Variants in LAMA5 observed in about 807,000 individuals in gnomAD.
LAMA5 encodes laminin subunit alpha-5.
In LAMA5, 260 loss-of-function variants were observed where a neutral mutation model predicts 433.4. The observed-to-expected ratio is 0.60, with a 90% CI of 0.54 to 0.66. The LOEUF (loss-of-function observed/expected upper bound fraction) is 0.66, where lower values mean the gene tolerates loss of function less well. LAMA5 is among the 30% of genes least tolerant of loss of function. The pLI is 0.00. For synonymous variants in LAMA5, 2,620 were observed against 2,226.6 expected, an observed-to-expected ratio of 1.18 and a Z score of -4.97; for missense variants, 5,378 against 5,258.5, an observed-to-expected ratio of 1.02 and a Z score of -0.70.
chr20:62,314,703 T>A lies in LAMA5; in HGVS notation c.8219A>T (p.Asn2740Ile), dbSNP rs540719244. 1 of 1,612,644 alleles carries A rather than the reference T, an allele frequency of 6.2e-7. No individual in the cohort carries two copies. Among genetic ancestry groups the A allele is most frequent in the Admixed American group, 1.7e-5 (1 of 59,982 alleles). Residue 2740 changes from asparagine (N) to isoleucine (I), a missense_variant, in exon 61 of 80, where the codon AAC becomes ATC. Physicochemically the swap from Asn to Ile is moderately radical, Grantham distance 149 (BLOSUM62 -3). Coordinates refer to ENST00000252999, the MANE Select transcript of LAMA5 (RefSeq NM_005560.6). ...ASKVKVPMKF[N>I]GRSGVQLRTP... ...GCGCAGCTGCACCCCTGAGCGCCCG[T>A]TGAACTTCATGGGCACCTTGACCTG...
Position 62,311,481 on chromosome 20 carries a change from C to T in LAMA5, c.9862G>A (p.Val3288Met). ...AGGGCGGGTGCACAGCCCGTGCTCA[C>T]ATTGACGCTGCCCAGGTTCTGCTGC... ...DLQQNLGSVN[V>M]STGCAPALQA... The change falls in exon 72 of 80, where the codon GTG becomes ATG. Residue 3288 changes from valine to methionine, a missense_variant. Physicochemically the swap from Val to Met is conservative, Grantham distance 21. Transcript: ENST00000252999. The T allele has an allele frequency of 6.2e-7, 1 of 1,610,538 alleles. No individual in the cohort carries two copies. The highest frequency in any genetic ancestry group is 8.5e-7 in the Non-Finnish European group (1 of 1,178,880).
chr20:62,334,263 C>T lies in LAMA5; in HGVS notation c.2662G>A (p.Ala888Thr), dbSNP rs775834837. 181 of 1,612,550 alleles carry T rather than the reference C, an allele frequency of 1.1e-4. No homozygotes were observed. Among genetic ancestry groups the T allele is most frequent in the Non-Finnish European group, 1.4e-4 (171 of 1,179,794 alleles). ...AGGGGGTTGAAGCCAAAGCGCACGG[C>T]GTGACCCTCAGGTGTGGCAGCCTCC... is the stretch of plus-strand genomic sequence containing the variant. ...LEEAATPEGHAVRFGFNPLEF... is the reference protein window; with the variant it reads ...LEEAATPEGHTVRFGFNPLEF... Residue 888 changes from alanine to threonine, a missense_variant, in exon 22 of 80, where the codon GCC (alanine) becomes ACC (threonine). Ala to Thr is a moderately conservative substitution (Grantham distance 58). Coordinates refer to ENST00000252999, the MANE Select transcript of LAMA5 (RefSeq NM_005560.6).
At chr20:62,332,128 G>T (rs766598214) in intron 28 of LAMA5, among the ~76,000 whole-genome samples, 1 of 152,182 alleles carries the variant, frequency 6.6e-6, no homozygotes, top group African/African-American at 2.4e-5. Context: ...CTGCCCTGGG[G>T]CCAGGGAGCT....
chr20:62,327,239 C>T lies in LAMA5; in HGVS notation c.5106G>A (p.Gly1702=), dbSNP rs1979457604. ...GACCTGATGCCCTGCTTACCCGGTC[C>T]CCCAGGTAGGAGGGTGGGGCCTGCC... ...LYWQAPPSYL[G]DRVSSYGGTL... Residue 1702 remains glycine, a synonymous_variant, in exon 38 of 80, where the codon GGG becomes GGA. Transcript: ENST00000252999. 2 of 1,511,536 alleles carry T rather than the reference C, an allele frequency of 1.3e-6. No homozygotes were observed. The highest frequency in any genetic ancestry group is 1.4e-5 in the African/African-American group (1 of 72,124). 93.6% of individuals were successfully genotyped at this position (1,511,536 alleles called of 1,614,324 possible). A position where few individuals can be genotyped will look rare whatever the true frequency, so the allele number is the denominator to read the frequency against.
rs75621170 is a variant in LAMA5, at chr20:62,337,628, G to A, written c.2126C>T (p.Thr709Ile). Residue 709 changes from threonine to isoleucine, a missense_variant, in exon 16 of 80, where the codon ACA (threonine) becomes ATA (isoleucine). Physicochemically the swap from Thr to Ile is moderately conservative, Grantham distance 89. Coordinates refer to ENST00000252999, the MANE Select transcript of LAMA5 (RefSeq NM_005560.6). The stretch of plus-strand genomic sequence containing the variant: ...GAAGTTGTAGGCACCGGGCACACAT[G>A]TGTCACACCGCAGCCCCGTCACACG... ...RPRVTGLRCD[T>I]CVPGAYNFPY... 4,160 of 1,611,936 alleles carry A rather than the reference G, an allele frequency of 2.6e-3. 73 individuals carry two copies. The African/African-American group carries it at 0.047, about 18-fold the overall frequency.
rs764317027 is a variant in LAMA5 at position 62,322,123 on chromosome 20, C to T, written c.6392G>A (p.Cys2131Tyr). The T allele has an allele frequency of 6.2e-7, 1 of 1,603,046 alleles. No homozygotes were observed. Among genetic ancestry groups the T allele is most frequent in the African/African-American group, 1.3e-5 (1 of 74,922 alleles). Reference protein sequence around the residue: ...GGRCDPHTGRCNCPPGLSGER... With the variant: ...GGRCDPHTGRYNCPPGLSGER... ...CCCGCTGAGCCCCGGGGGGCAGTTG[C>T]AGCGGCCCGTGTGAGGGTCACAGCG... Residue 2131 changes from cysteine to tyrosine, a missense_variant, in exon 48 of 80, where the codon TGC (cysteine) becomes TAC (tyrosine). Coordinates refer to ENST00000252999, the MANE Select transcript of LAMA5 (RefSeq NM_005560.6).
In LAMA5 at chr20:62,328,224, C is replaced by T; in HGVS notation, c.4652+17G>A. 1 of 1,585,654 alleles carries T rather than the reference C, an allele frequency of 6.3e-7. No individual in the cohort carries two copies. The highest frequency in any genetic ancestry group is 1.7e-4 in the Middle Eastern group (1 of 5,974). ...AAGGCCACCAGGGGCCGCGCTGACG[C>T]CGCTCTGGGCTCTCACTTGCACTGG... is the stretch of plus-strand genomic sequence containing the variant. On this transcript the variant is annotated intron_variant, in intron 35 of 79. Transcript: ENST00000252999.
Position 62,338,376 on chromosome 20 carries a change from G to GA in LAMA5, c.1619-8dup. 6.2e-7 allele frequency: 1 copy of GA among 1,607,362 alleles called. No homozygotes were observed. On this transcript the variant is annotated splice_polypyrimidine_tract_variant and splice_region_variant and intron_variant, in intron 12 of 79. Coordinates refer to ENST00000252999, the MANE Select transcript of LAMA5 (RefSeq NM_005560.6). ...GGGCTGGAACACTGGCAGGCTGCAG[G>GA]AAAGGGTGGCCCACATGCTTGGTCA...
In LAMA5 at chr20:62,325,437, G is replaced by A. The variant is rs375742435; in HGVS notation, c.5408C>T (p.Ser1803Phe). The A allele has an allele frequency of 1.6e-4, 260 of 1,612,522 alleles. 3 individuals are homozygous for A. The South Asian group carries it at 2.1e-3, about 13-fold the overall frequency. ...LQIRALFSQI[S>F]SAVFLRRVAL... The stretch of plus-strand genomic sequence containing the variant: ...CACCCTGCGCAGGAAGACAGCCGAG[G>A]AGATCTGTGAGAAGAGGGCACGGAT... Residue 1803 changes from serine (S) to phenylalanine (F), a missense_variant, in exon 41 of 80, where the codon TCC becomes TTC. Transcript: ENST00000252999.
chr20:62,314,329 G>T lies in LAMA5; in HGVS notation c.8479C>A (p.Gln2827Lys), dbSNP rs117480847. The change falls in exon 62 of 80, where the codon CAG (glutamine) becomes AAG (lysine). Residue 2827 changes from glutamine to lysine, a missense_variant. Coordinates refer to ENST00000252999, the MANE Select transcript of LAMA5 (RefSeq NM_005560.6). ...CTGTCCAGGCTGACAGCTGCGAACT[G>T]CTCCCCAATGTCCTCATCGATGCTT... Reference protein sequence around the residue: ...VLSIDEDIGEQFAAVSLDRTL... With the variant: ...VLSIDEDIGEKFAAVSLDRTL... 0.018 allele frequency: 28,625 copies of T among 1,613,206 alleles called. 403 individuals carry two copies. Among genetic ancestry groups the T allele is most frequent in the South Asian group, 0.049 (4,493 of 91,070 alleles).
chr20:62,317,280 C>T (rs1421301486), intron 55 of LAMA5, 65 bp downstream of exon 55: 2 of 1,448,262 alleles, frequency 1.4e-6, no homozygotes, highest in African/African-American at 1.4e-5. Context: ...GACCAGCTGG[C>T]CCTCCCAAGG....
At chr20:62,330,386 T>A in intron 31 of LAMA5, 102 bp downstream of exon 31, 1 of 1,401,866 alleles carries the variant, frequency 7.1e-7, no homozygotes, top group South Asian at 1.5e-5. Flanking sequence ...CAGAGTCATG[T>A]TGCCTGTCGC....
chr20:62,331,204 G>GGGTGCAGGTGGTACGATGGGGGA (rs2146190361), intron 28 of LAMA5, 75 bp from the exon 29 acceptor site: 2 of 390,976 alleles, frequency 5.1e-6, no homozygotes, highest in South Asian at 3.5e-5. Context: ...TACGATGGGG[G>GGGTGCAGGTGGTACGATGGGGGA]GGTGCAGGCG....
chr20:62,357,396 C>T (rs778728178), intron 2 of LAMA5, among the ~76,000 whole-genome samples: 1 of 152,248 alleles, frequency 6.6e-6, no homozygotes, highest in Non-Finnish European at 1.5e-5. Context: ...ACCCAGCCCC[C>T]TCGATGCCCA....
At chr20:62,362,357 GAC>G in intron 2 of LAMA5, 41 bp downstream of exon 2, 2 of 1,429,550 alleles carry the variant, frequency 1.4e-6, no homozygotes, top group Non-Finnish European at 1.8e-6. Flanking sequence ...GACGGGCACA[GAC>G]ACAGAGATGG....
chr20:62,324,580 A>G lies in LAMA5; in HGVS notation c.5530-26T>C, dbSNP rs1321164323. 6.4e-7 allele frequency: 1 copy of G among 1,551,722 alleles called. No individual in the cohort carries two copies. On this transcript the variant is annotated intron_variant, in intron 41 of 79. Coordinates refer to ENST00000252999, the MANE Select transcript of LAMA5 (RefSeq NM_005560.6). The surrounding 1 kb of genome is among the most constrained non-coding windows in gnomAD (Gnocchi z 4.4). ...CTGAGGGTGTACGGGGGCAGGTGGCATCAGCGATTGAGAGGACGAGGGGCC... is the reference window on the plus strand; with the variant it reads ...CTGAGGGTGTACGGGGGCAGGTGGCGTCAGCGATTGAGAGGACGAGGGGCC...
chr20:62,329,365 GCAGCC>G lies in LAMA5; in HGVS notation c.4120-117_4120-113del, dbSNP rs3065756. ...CAGGCAGCTCAGAGTCCTGGCAGCAGCAGCCCAGCCCAGCCCAGCCCAGCCCTGGG... is the reference window on the plus strand; with the variant it reads ...CAGGCAGCTCAGAGTCCTGGCAGCAGCAGCCCAGCCCAGCCCAGCCCTGGG... On this transcript the variant is annotated intron_variant, in intron 32 of 79. Coordinates refer to ENST00000252999, the MANE Select transcript of LAMA5 (RefSeq NM_005560.6). 409,616 of 646,384 alleles carry G rather than the reference GCAGCC, an allele frequency of 0.63. 136,855 individuals carry two copies. The highest frequency in any genetic ancestry group is 0.77 in the East Asian group (27,597 of 35,920). The allele number at this position is 646,384 out of a possible 1,614,324, so 40.0% of individuals were successfully genotyped here.
At chr20:62,360,137 AC>A in intron 2 of LAMA5, among the ~76,000 whole-genome samples, 1 of 150,812 alleles carries the variant, frequency 6.6e-6, no homozygotes, top group South Asian at 2.1e-4. Flanking sequence ...CCCCACCCTG[AC>A]CAAGGCTGGC....
At chr20:62,366,892 G>C in intron 1 of LAMA5, 57 bp downstream of exon 1, 1 of 1,230,384 alleles carries the variant, frequency 8.1e-7, no homozygotes, top group Non-Finnish European at 1.0e-6. Context: ...GGGTCGGGCC[G>C]GTGTTCCGGG....
Sources: gnomAD v4.1 joint callset for allele counts (sites outside exome capture counted in the v4.1 genomes callset) on GRCh38, gnomAD v4.1.1 for gene constraint, Gnocchi (gnomAD v3.1) non-coding constraint, MANE v1.5 for transcripts, NCBI Gene and HGNC (gene_info 2026-07-23, HGNC 2026-07-21) for gene names.